The following FRMD4B variants were observed in gnomAD, a reference collection of about 807,000 sequenced individuals.
FRMD4B encodes the protein FERM domain containing 4B, also known as FERM domain-containing protein 4B.
A neutral mutation model predicts 141.5 loss-of-function variants in FRMD4B; 74 were observed. The ratio of observed to expected loss-of-function variants is 0.52; its 90% CI spans 0.43 to 0.63. The LOEUF (loss-of-function observed/expected upper bound fraction) is 0.63, where lower values mean the gene tolerates loss of function less well. Ranked by LOEUF, FRMD4B falls within the 30% of genes least tolerant of loss-of-function variation. FRMD4B has a pLI of 0.00. For missense variants in FRMD4B, 1,366 were observed against 1,253.4 expected, an observed-to-expected ratio of 1.09 and a Z score of -1.36; for synonymous variants, 506 against 467.9, an observed-to-expected ratio of 1.08 and a Z score of -1.05.
intron 1 of FRMD4B, among the ~76,000 whole-genome samples, chr3:69,474,950 G>T (rs1162567807): frequency 6.6e-6 from 1 of 152,158 alleles, no homozygotes; most frequent in East Asian, 1.9e-4. Flanking sequence ...GCTTTGGGAA[G>T]AAGCGGCTTT....
rs1305159087 is a variant in FRMD4B at position 69,330,339 on chromosome 3, C to CCT, written c.163-16824_163-16823dup. ...ACAACATTATATTTTGATTCTTTTGCCTTTTTTTTTTTTTTTTTTTTTTTT... is the reference window on the plus strand; with the variant it reads ...ACAACATTATATTTTGATTCTTTTGCCTCTTTTTTTTTTTTTTTTTTTTTTTT... On this transcript the variant is annotated intron_variant, in intron 1 of 22. Coordinates refer to ENST00000398540, the MANE Select transcript of FRMD4B (RefSeq NM_015123.3). Among the ~76,000 whole-genome samples the CCT allele has an allele frequency of 3.9e-3, 363 of 93,070 alleles. 3 individuals are homozygous for CCT. The highest frequency in any genetic ancestry group is 0.016 in the African/African-American group (343 of 21,252). 61.1% of individuals were successfully genotyped at this position (93,070 alleles called of 152,430 possible).
At chr3:69,323,182 G>C (rs571612975) in intron 1 of FRMD4B, 1 of 154,628 alleles carries the variant, frequency 6.5e-6, no homozygotes, top group African/African-American at 2.4e-5. Flanking sequence ...TTGAGTAATT[G>C]AGTAACATGC....
chr3:69,306,140 G>T (rs1314259626), intron 3 of FRMD4B, among the ~76,000 whole-genome samples: 1 of 152,084 alleles, frequency 6.6e-6, no homozygotes, highest in African/African-American at 2.4e-5. Flanking sequence ...AAGTCTAGAA[G>T]AATTTTTTAA....
chr3:69,411,451 G>C (rs972824998), intron 2 of FRMD4B, among the ~76,000 whole-genome samples: 1 of 152,208 alleles, frequency 6.6e-6, no homozygotes, highest in Non-Finnish European at 1.5e-5. Context: ...ACCTGGGATA[G>C]AGAGGGAGAA....
chr3:69,184,999 A>G (rs1302217812), intron 19 of FRMD4B, among the ~76,000 whole-genome samples: 1 of 152,224 alleles, frequency 6.6e-6, no homozygotes, highest in Non-Finnish European at 1.5e-5. Flanking sequence ...CTGCTCTTTA[A>G]CAAATTAGAA....
chr3:69,421,687 T>G (rs1704980048), intron 2 of FRMD4B, among the ~76,000 whole-genome samples: 1 of 152,214 alleles, frequency 6.6e-6, no homozygotes, highest in Non-Finnish European at 1.5e-5. Flanking sequence ...AAAAATTCAC[T>G]TCCTCAGTCA....
At chr3:69,390,021 G>A (rs187581752), upstream of FRMD4B, among the ~76,000 whole-genome samples, 5 of 152,154 alleles carry the variant, frequency 3.3e-5, no homozygotes, top group Admixed American at 2.6e-4. Flanking sequence ...AGATGCTTCG[G>A]GTGGCAGCAT....
At chr3:69,502,240 A>C (rs926484046) in intron 1 of FRMD4B, among the ~76,000 whole-genome samples, 26 of 152,338 alleles carry the variant, frequency 1.7e-4, no homozygotes, top group African/African-American at 6.0e-4. Flanking sequence ...CCTAACCCAA[A>C]AGAACAAAGC....
chr3:69,542,123 G>C (rs955110659), intron 1 of FRMD4B: 3 of 151,916 alleles, frequency 2.0e-5, no homozygotes, highest in South Asian at 4.1e-4. Flanking sequence ...TGCGCCCGGG[G>C]CGCACCGGGC....
rs1156788868 is a variant in FRMD4B, at chr3:69,182,021, C to A, written c.2040-311G>T. Among the ~76,000 whole-genome samples, 2 of 151,402 alleles carry A rather than the reference C, an allele frequency of 1.3e-5. No homozygotes were observed. The highest frequency in any genetic ancestry group is 3.0e-5 in the Non-Finnish European group (2 of 67,786). On this transcript the variant is annotated intron_variant, in intron 20 of 22. Transcript: ENST00000398540. ...TTGCATCACAGCCTGGAAAAAAAAA[C>A]AAAAACAAAAACAAAAAACCCAACG...
chr3:69,381,783 G>C (rs181259370), intron 1 of FRMD4B, among the ~76,000 whole-genome samples: 1 of 152,140 alleles, frequency 6.6e-6, no homozygotes, highest in South Asian at 2.1e-4. Flanking sequence ...TTTATGTAAA[G>C]AGCACTAGAT....
chr3:69,299,541 T>C (rs1701142636), intron 4 of FRMD4B, among the ~76,000 whole-genome samples: 1 of 152,146 alleles, frequency 6.6e-6, no homozygotes, highest in Non-Finnish European at 1.5e-5. Flanking sequence ...AGGGGAATAA[T>C]TGTGTAGTTT....
chr3:69,189,999 A>G (rs1218540863), intron 17 of FRMD4B, 47 bp from the exon 18 acceptor site: 4 of 1,060,456 alleles, frequency 3.8e-6, no homozygotes, highest in Non-Finnish European at 5.8e-6. Flanking sequence ...CATTTATACA[A>G]TTAGAGGGGT....
intron 5 of FRMD4B, among the ~76,000 whole-genome samples, chr3:69,253,181 C>CTTTTTTT (rs781662739): frequency 8.2e-5 from 10 of 121,950 alleles, no homozygotes; most frequent in Non-Finnish European, 6.8e-5. Context: ...AATATGATTC[C>CTTTTTTT]TATTTTTTTT....
At chr3:69,507,257 A>C (rs1706611197) in intron 1 of FRMD4B, among the ~76,000 whole-genome samples, 1 of 152,174 alleles carries the variant, frequency 6.6e-6, no homozygotes, top group Non-Finnish European at 1.5e-5. Flanking sequence ...TATTCAGTGA[A>C]AGGTCCATCT....
intron 5 of FRMD4B, among the ~76,000 whole-genome samples, chr3:69,254,542 C>T (rs2093481272): frequency 6.6e-6 from 1 of 152,186 alleles, no homozygotes; most frequent in South Asian, 2.1e-4. Context: ...GAAGCTGACA[C>T]ATACCATCTT....
chr3:69,208,908 G>T (rs140090207), intron 11 of FRMD4B, among the ~76,000 whole-genome samples: 22 of 152,176 alleles, frequency 1.4e-4, no homozygotes, highest in African/African-American at 5.1e-4. Flanking sequence ...CACTTTGGGA[G>T]GCTGAGGCAG....
At chr3:69,356,129 A>G (rs1472907758) in intron 1 of FRMD4B, among the ~76,000 whole-genome samples, 1 of 152,230 alleles carries the variant, frequency 6.6e-6, no homozygotes, top group Admixed American at 6.5e-5. Flanking sequence ...CATATAAAGA[A>G]GATGAATATG....
chr3:69,229,809 G>T (rs1160928539), intron 7 of FRMD4B, among the ~76,000 whole-genome samples: 1 of 152,024 alleles, frequency 6.6e-6, no homozygotes, highest in African/African-American at 2.4e-5. Flanking sequence ...GGGTTCAAAT[G>T]ATTCTCCTGC....
Sources: allele counts gnomAD v4.1 joint callset (sites outside exome capture counted in the v4.1 genomes callset), GRCh38; gene constraint gnomAD v4.1.1; transcripts MANE v1.5; gene names NCBI Gene and HGNC (gene_info 2026-07-23, HGNC 2026-07-21).